EVI5L: variants seen among roughly 807,000 people sequenced by gnomAD.
EVI5L encodes ecotropic viral integration site 5 like.
A neutral mutation model predicts 106.1 loss-of-function variants in EVI5L; 30 were observed. The ratio of observed to expected loss-of-function variants is 0.28; its 90% CI spans 0.21 to 0.38. EVI5L has a LOEUF of 0.38. EVI5L is among the 10% of genes least tolerant of loss of function. EVI5L has a pLI of 1.00. For synonymous variants in EVI5L, 489 were observed against 483.3 expected, an observed-to-expected ratio of 1.01 and a Z score of -0.15; for missense variants, 809 against 1,098.0, an observed-to-expected ratio of 0.74 and a Z score of 3.72.
At chr19:7,855,950 A>C in intron 10 of EVI5L, 65 bp from the exon 11 acceptor site, 1 of 1,302,818 alleles carries the variant, frequency 7.7e-7, no homozygotes, top group Non-Finnish European at 9.9e-7. Flanking sequence ...CAGTGGGTAA[A>C]TGAGGGGTGC....
Position 7,846,578 on chromosome 19 carries a change from C to A in EVI5L, c.36C>A (p.Ser12=). The stretch of plus-strand genomic sequence containing the variant: ...CCACTCTGAGCCCCGACTCCTCATC[C>A]CAGGAGGCCCTGTCGGCCCCCACCT... The part of the protein sequence containing the change: ...ASPTLSPDSS[S]QEALSAPTCS... Residue 12 remains serine (S), a synonymous_variant, in exon 2 of 20, where the codon TCC becomes TCA. Transcript: ENST00000538904. 6 of 1,613,772 alleles carry A rather than the reference C, an allele frequency of 3.7e-6. No homozygotes were observed. The highest frequency in any genetic ancestry group is 5.1e-6 in the Non-Finnish European group (6 of 1,179,916).
chr19:7,841,977 C>T (rs528196759), intron 1 of EVI5L, among the ~76,000 whole-genome samples: 3 of 152,218 alleles, frequency 2.0e-5, no homozygotes, highest in East Asian at 1.9e-4. Flanking sequence ...AGGGGGTGAG[C>T]GCTGCTCGGT....
chr19:7,849,326 T>A lies in EVI5L; in HGVS notation c.623T>A (p.Met208Lys). Reference sequence around the variant, plus strand: ...GCCTTCATCGTGGGCCTGCTCCTCATGCAGGTAGGTGGCTGGGGGGTGGCT... The same window carrying A: ...GCCTTCATCGTGGGCCTGCTCCTCAAGCAGGTAGGTGGCTGGGGGGTGGCT... ...GSAFIVGLLLMQMPEEEAFCV... is the reference protein window; with the variant it reads ...GSAFIVGLLLKQMPEEEAFCV... Residue 208 changes from methionine to lysine, a missense_variant, in exon 5 of 20, where the codon ATG becomes AAG. This residue lies in a region of EVI5L where 357 missense variants were observed against 588.1 expected (regional missense o/e 0.61). Coordinates refer to ENST00000538904, the MANE Select transcript of EVI5L (RefSeq NM_001159944.3). 2 of 1,614,016 alleles carry A rather than the reference T, an allele frequency of 1.2e-6. No individual in the cohort carries two copies. Among genetic ancestry groups the A allele is most frequent in the South Asian group, 1.1e-5 (1 of 91,082 alleles).
chr19:7,850,184 C>T lies in EVI5L; in HGVS notation c.753+62C>T. The T allele has an allele frequency of 1.9e-6, 3 of 1,554,024 alleles. No individual in the cohort carries two copies. The highest frequency in any genetic ancestry group is 2.6e-6 in the Non-Finnish European group (3 of 1,150,974). ...GCAGGGCCACAGGTGGGCAGGGCCG[C>T]AAGGGAGCAGGATCGCAGAAGGGCA... On this transcript the variant is annotated intron_variant, in intron 6 of 19. Transcript: ENST00000538904. This position sits in a 1 kb window ranked among gnomAD's most constrained non-coding sequence, Gnocchi z 5.4.
At chr19:7,842,344 T>A (rs1232913686) in intron 1 of EVI5L, among the ~76,000 whole-genome samples, 1 of 97,036 alleles carries the variant, frequency 1.0e-5, no homozygotes, top group Non-Finnish European at 2.3e-5. Context: ...AGTGTGTGCA[T>A]GTGTGTGTGA....
intron 1 of EVI5L, among the ~76,000 whole-genome samples, chr19:7,836,277 G>A (rs1978342009): frequency 6.6e-6 from 1 of 152,092 alleles, no homozygotes; most frequent in Admixed American, 6.6e-5. Context: ...AGGGGAGTAA[G>A]GGAAACAACA....
chr19:7,852,225 A>G (rs1166219799), intron 8 of EVI5L, among the ~76,000 whole-genome samples: 1 of 152,204 alleles, frequency 6.6e-6, no homozygotes, highest in Non-Finnish European at 1.5e-5. Context: ...GCTGCTGGCC[A>G]GCCTGCCTCC....
Position 7,858,577 on chromosome 19 carries a change from C to G in EVI5L, c.1374+246C>G, listed in dbSNP as rs1380794315. 1 of 556,648 alleles carries G rather than the reference C, an allele frequency of 1.8e-6. No individual in the cohort carries two copies. Among genetic ancestry groups the G allele is most frequent in the Non-Finnish European group, 3.1e-6 (1 of 320,208 alleles). 34.5% of individuals were successfully genotyped at this position (556,648 alleles called of 1,614,324 possible). On this transcript the variant is annotated intron_variant, in intron 13 of 19. Coordinates refer to ENST00000538904, the MANE Select transcript of EVI5L (RefSeq NM_001159944.3). The surrounding 1 kb of genome is among the most constrained non-coding windows in gnomAD (Gnocchi z 5.7). ...TCTGCAGTATCTGACTTCCCAACCC[C>G]CAGCCTCAGCACGGAGGCCTCTGAA...
At position 7,863,519 on chromosome 19, in the gene EVI5L, G is replaced by A. The variant is rs1231499817; in HGVS notation, c.2235G>A (p.Ser745=). Residue 745 remains serine (S), a synonymous_variant, in exon 20 of 20, where the codon TCG becomes TCA. Coordinates refer to ENST00000538904, the MANE Select transcript of EVI5L (RefSeq NM_001159944.3). This position sits in a 1 kb window ranked among gnomAD's most constrained non-coding sequence, Gnocchi z 7.7. ...ARHLDEDSLP[S]SDEELLGVGV... ...ACTTGGACGAGGACTCGCTGCCGTCGTCGGACGAGGAGCTACTTGGCGTAG... is the reference window on the plus strand; with the variant it reads ...ACTTGGACGAGGACTCGCTGCCGTCATCGGACGAGGAGCTACTTGGCGTAG... The A allele has an allele frequency of 6.3e-7, 1 of 1,594,752 alleles. No homozygotes were observed.
chr19:7,856,135 C>A lies in EVI5L; in HGVS notation c.1200+67C>A. 1 of 1,284,650 alleles carries A rather than the reference C, an allele frequency of 7.8e-7. No individual in the cohort carries two copies. Among genetic ancestry groups the A allele is most frequent in the Non-Finnish European group, 1.0e-6 (1 of 996,220 alleles). The allele number at this position is 1,284,650 out of a possible 1,614,324, so 79.6% of individuals were successfully genotyped here. Reference sequence around the variant, plus strand: ...TGTGACCCACCATGCGGGGCATGGCCGCTAACCTGGGGTGGACTCCTCCAA... The same window carrying A: ...TGTGACCCACCATGCGGGGCATGGCAGCTAACCTGGGGTGGACTCCTCCAA... On this transcript the variant is annotated intron_variant, in intron 11 of 19. Transcript: ENST00000538904. This position sits in a 1 kb window ranked among gnomAD's most constrained non-coding sequence, Gnocchi z 6.6.
At chr19:7,841,531 C>A (rs1283781705) in intron 1 of EVI5L, among the ~76,000 whole-genome samples, 5 of 152,114 alleles carry the variant, frequency 3.3e-5, no homozygotes, top group African/African-American at 2.4e-5. Context: ...CCCCCCACAA[C>A]CCCCAAACAC....
At position 7,845,457 on chromosome 19, in the gene EVI5L, T is replaced by C. The variant is rs928332614; in HGVS notation, c.-47-1039T>C. ...GCCCTGGCTCCAGGATGGACAGTGA[T>C]AGCCGATGTCCGTGGGGCCATCACT... On this transcript the variant is annotated intron_variant, in intron 1 of 19. Coordinates refer to ENST00000538904, the MANE Select transcript of EVI5L (RefSeq NM_001159944.3). This position sits in a 1 kb window ranked among gnomAD's most constrained non-coding sequence, Gnocchi z 4.0. 2.6e-5 allele frequency among the ~76,000 whole-genome samples: 4 copies of C among 152,222 alleles called. No homozygotes were observed. The highest frequency in any genetic ancestry group is 7.2e-5 in the African/African-American group (3 of 41,462).
rs1979937241 is a variant in EVI5L, at chr19:7,863,223, G to C, written c.2082G>C (p.Ser694=). The C allele has an allele frequency of 6.4e-7, 1 of 1,562,864 alleles. No individual in the cohort carries two copies. The highest frequency in any genetic ancestry group is 8.7e-7 in the Non-Finnish European group (1 of 1,153,946). Reference sequence around the variant, plus strand: ...GCATCCAGGGCCAGCTGAACCACTCGGACTCATCGCAGTACATCCGCGAGC... The same window carrying C: ...GCATCCAGGGCCAGCTGAACCACTCCGACTCATCGCAGTACATCCGCGAGC... ...EGRIQGQLNH[S]DSSQYIRELK... is the part of the protein sequence containing the mutation. The change falls in exon 19 of 20, where the codon TCG becomes TCC. Residue 694 remains serine, a synonymous_variant. Transcript: ENST00000538904. This position sits in a 1 kb window ranked among gnomAD's most constrained non-coding sequence, Gnocchi z 7.7.
In EVI5L at chr19:7,860,677, C is replaced by T. The variant is rs73500080; in HGVS notation, c.1491C>T (p.Leu497=). The change falls in exon 14 of 20, where the codon CTC becomes CTT. Residue 497 remains leucine (L), a synonymous_variant. Coordinates refer to ENST00000538904, the MANE Select transcript of EVI5L (RefSeq NM_001159944.3). The part of the protein sequence containing the change: ...GALREMQDKV[L]DMEKRNSSLP... ...TTCGGGAGATGCAGGACAAGGTTCT[C>T]GACATGGAAAAGGTGCAATGGGGAG... The T allele has an allele frequency of 1.6e-5, 26 of 1,586,700 alleles. No homozygotes were observed. Among genetic ancestry groups the T allele is most frequent in the South Asian group, 1.1e-4 (10 of 87,224 alleles).
Position 7,849,151 on chromosome 19 carries a change from G to T in EVI5L, c.552+6G>T. 2 of 1,611,048 alleles carry T rather than the reference G, an allele frequency of 1.2e-6. No individual in the cohort carries two copies. Among genetic ancestry groups the T allele is most frequent in the Non-Finnish European group, 1.7e-6 (2 of 1,178,296 alleles). On this transcript the variant is annotated splice_donor_region_variant and intron_variant, in intron 4 of 19. Coordinates refer to ENST00000538904, the MANE Select transcript of EVI5L (RefSeq NM_001159944.3). ...TCCTCTTCAACGTCATGAAGGTGAG[G>T]CCCAGGGCTCCCCGCTCCCTCGGTC...
At chr19:7,849,639 G>A (rs1023245875) in intron 5 of EVI5L, among the ~76,000 whole-genome samples, 14 of 152,226 alleles carry the variant, frequency 9.2e-5, no homozygotes, top group East Asian at 5.8e-4. Context: ...GCCATCCAGC[G>A]TGGTGTTTAT....
In EVI5L at chr19:7,854,253, G is replaced by A. The variant is rs925197237; in HGVS notation, c.1146+920G>A. Among the ~76,000 whole-genome samples, 2 of 146,746 alleles carry A rather than the reference G, an allele frequency of 1.4e-5. 1 individual carries two copies. Among genetic ancestry groups the A allele is most frequent in the African/African-American group, 5.0e-5 (2 of 39,638 alleles). ...GGCAAGATTGTACCGTTGCACTCCAGCCTGGGCGACAGAGTGAGACTGTGT... is the reference window on the plus strand; with the variant it reads ...GGCAAGATTGTACCGTTGCACTCCAACCTGGGCGACAGAGTGAGACTGTGT... On this transcript the variant is annotated intron_variant, in intron 10 of 19. Transcript: ENST00000538904.
intron 6 of EVI5L, 69 bp from the exon 7 acceptor site, chr19:7,851,365 T>A: frequency 6.4e-7 from 1 of 1,550,692 alleles, no homozygotes; most frequent in Non-Finnish European, 8.7e-7. Context: ...GCGGGGACAC[T>A]GAGGCCCAGC....
intron 1 of EVI5L, among the ~76,000 whole-genome samples, chr19:7,832,563 TC>T (rs1978298128): frequency 6.6e-6 from 1 of 151,476 alleles, no homozygotes; most frequent in African/African-American, 2.4e-5. Flanking sequence ...CCCTGTGTGT[TC>T]CCCCAGTGCC....
Sources: gnomAD v4.1 joint callset for allele counts (sites outside exome capture counted in the v4.1 genomes callset) on GRCh38, gnomAD v4.1.1 for gene constraint, gnomAD v4.1.1 regional missense constraint, Gnocchi (gnomAD v3.1) non-coding constraint, MANE v1.5 for transcripts, NCBI Gene and HGNC (gene_info 2026-07-23, HGNC 2026-07-21) for gene names.